The following LIMS1 variants were observed in gnomAD, a reference collection of about 807,000 sequenced individuals.
LIMS1 encodes the protein LIM zinc finger domain containing 1.
A neutral mutation model predicts 44.1 loss-of-function variants in LIMS1; 18 were observed. The ratio of observed to expected loss-of-function variants is 0.41; its 90% confidence interval spans 0.28 to 0.61. The LOEUF is 0.61. Ranked by LOEUF, LIMS1 falls within the 20% of genes least tolerant of loss-of-function variation. The pLI, the probability that LIMS1 is intolerant of heterozygous loss-of-function variation, is 0.32. For missense variants in LIMS1, 201 were observed against 422.0 expected, an observed-to-expected ratio of 0.48 and a Z score of 4.59; for synonymous variants, 93 against 149.1, an observed-to-expected ratio of 0.62 and a Z score of 2.74.
chr2:108,670,991 G>A lies in LIMS1; in HGVS notation c.259+144G>A, dbSNP rs565579069. On this transcript the variant is annotated intron_variant, in intron 3 of 9. Transcript: ENST00000544547. ...TTCGAGACCAGCCTGGCCAACGTAG[G>A]GAAACCCCGTCTCTACTAAAAATAC... The A allele has an allele frequency of 1.2e-5, 13 of 1,104,252 alleles. No individual in the cohort carries two copies. In the East Asian group the frequency reaches 3.1e-4, roughly 27 times the overall value. 68.4% of individuals were successfully genotyped at this position (1,104,252 alleles called of 1,614,324 possible).
chr2:108,670,247 G>A (rs996789829), intron 2 of LIMS1, among the ~76,000 whole-genome samples: 5 of 152,184 alleles, frequency 3.3e-5, no homozygotes, highest in Non-Finnish European at 5.9e-5. Context: ...TGCTTTGAGA[G>A]ACTGAGGTAG....
At chr2:108,674,545 A>G (rs2149002827) in intron 5 of LIMS1, among the ~76,000 whole-genome samples, 1 of 150,542 alleles carries the variant, frequency 6.6e-6, no homozygotes, top group East Asian at 2.0e-4. Flanking sequence ...ACATGGTGAA[A>G]CCCCATCTCT....
chr2:108,670,003 C>T (rs1692058653), intron 2 of LIMS1, among the ~76,000 whole-genome samples: 1 of 151,916 alleles, frequency 6.6e-6, no homozygotes, highest in African/African-American at 2.4e-5. Flanking sequence ...TCAGAAAGCA[C>T]ATTTTAAAAT....
At chr2:108,662,138 C>G (rs1691419666) in intron 2 of LIMS1, 1 of 1,610,312 alleles carries the variant, frequency 6.2e-7, no homozygotes, top group African/African-American at 1.3e-5. Context: ...CAGACATTTT[C>G]CTTATATCCC....
chr2:108,617,618 G>A (rs548200253), intron 1 of LIMS1, among the ~76,000 whole-genome samples: 2 of 152,334 alleles, frequency 1.3e-5, no homozygotes, highest in Non-Finnish European at 2.9e-5. Context: ...AAACGTGACT[G>A]TCTTCCATGT....
At chr2:108,595,019 A>G (rs1230739100) in intron 1 of LIMS1, among the ~76,000 whole-genome samples, 1 of 152,216 alleles carries the variant, frequency 6.6e-6, no homozygotes, top group Non-Finnish European at 1.5e-5. Context: ...TGTGGAAGGA[A>G]GGTACCATAC....
At chr2:108,591,388 T>C (rs939350878) in intron 1 of LIMS1, among the ~76,000 whole-genome samples, 5 of 152,154 alleles carry the variant, frequency 3.3e-5, no homozygotes, top group African/African-American at 9.7e-5. Flanking sequence ...TGAAGTCTCA[T>C]TGATAGTTTC....
chr2:108,679,848 G>A (rs529104952), intron 8 of LIMS1, among the ~76,000 whole-genome samples: 16 of 151,558 alleles, frequency 1.1e-4, no homozygotes, highest in Middle Eastern at 3.5e-3. Context: ...CCAGGAGTTC[G>A]AGCTGTGATC....
At chr2:108,618,764 G>A (rs1688069651) in intron 1 of LIMS1, among the ~76,000 whole-genome samples, 1 of 148,482 alleles carries the variant, frequency 6.7e-6, no homozygotes, top group Non-Finnish European at 1.5e-5. Context: ...GGTGGAGGTT[G>A]CAGTGAGCTG....
intron 1 of LIMS1, among the ~76,000 whole-genome samples, chr2:108,643,288 C>G (rs1689831982): frequency 1.3e-5 from 2 of 152,172 alleles, no homozygotes; most frequent in Admixed American, 6.5e-5. Context: ...GCATTTCCAC[C>G]TGAGGTACTC....
At chr2:108,681,830 C>T (rs1693018812) in intron 9 of LIMS1, among the ~76,000 whole-genome samples, 1 of 150,848 alleles carries the variant, frequency 6.6e-6, no homozygotes, top group African/African-American at 2.4e-5. Context: ...GCTGAGGCTG[C>T]TGCAGTGAGC....
At chr2:108,675,772 G>T (rs1260001201) in intron 5 of LIMS1, 106 bp from the exon 6 acceptor site, 4 of 1,395,050 alleles carry the variant, frequency 2.9e-6, no homozygotes, top group Non-Finnish European at 4.1e-6. Context: ...AATTTGCAGG[G>T]ATTGTCATAG....
rs1360648112 is a variant in LIMS1 at position 108,554,023 on chromosome 2, ATAGT to A, written c.32+19431_32+19434del. 5.3e-5 allele frequency among the ~76,000 whole-genome samples: 8 copies of A among 152,288 alleles called. No individual in the cohort carries two copies. In the South Asian group the frequency reaches 1.4e-3, roughly 28 times the overall value. ...ACTCAGGAAATACTTGTTTACTCAC[ATAGT>A]TGGTTGGTAAAATGACAAAGCTGAT... On this transcript the variant is annotated intron_variant, in intron 1 of 9. Coordinates refer to ENST00000544547, the Ensembl canonical transcript of LIMS1.
chr2:108,560,627 C>T (rs998785235), intron 1 of LIMS1, among the ~76,000 whole-genome samples: 1 of 151,972 alleles, frequency 6.6e-6, no homozygotes, highest in Admixed American at 6.6e-5. Flanking sequence ...GCTTGCTTTT[C>T]TCCTGACACT....
chr2:108,641,901 T>C (rs1461077808), intron 1 of LIMS1, among the ~76,000 whole-genome samples: 1 of 152,238 alleles, frequency 6.6e-6, no homozygotes, highest in Non-Finnish European at 1.5e-5. Context: ...AACTTCCCAG[T>C]TTCATTATCT....
At chr2:108,619,965 A>G (rs1688146717) in intron 1 of LIMS1, among the ~76,000 whole-genome samples, 1 of 152,194 alleles carries the variant, frequency 6.6e-6, no homozygotes, top group African/African-American at 2.4e-5. Flanking sequence ...GATTTTTTAA[A>G]ACGTGTTTCA....
intron 1 of LIMS1, among the ~76,000 whole-genome samples, chr2:108,540,486 C>G (rs747526670): frequency 3.3e-5 from 5 of 152,130 alleles, no homozygotes; most frequent in Non-Finnish European, 7.4e-5. Context: ...ACTTGAGCCA[C>G]CGCGCCTGGC....
At chr2:108,617,859 A>G (rs766796892) in intron 1 of LIMS1, among the ~76,000 whole-genome samples, 1 of 152,194 alleles carries the variant, frequency 6.6e-6, no homozygotes, top group Admixed American at 6.5e-5. Flanking sequence ...GGGGTGTGAG[A>G]TCTGCTGGAG....
chr2:108,542,445 G>A (rs1684344693), intron 1 of LIMS1, among the ~76,000 whole-genome samples: 1 of 152,154 alleles, frequency 6.6e-6, no homozygotes, highest in African/African-American at 2.4e-5. Context: ...CCAAGCTCAA[G>A]AGGTTAAGAA....
Sources: gnomAD v4.1 joint callset for allele counts (sites outside exome capture counted in the v4.1 genomes callset) on GRCh38, gnomAD v4.1.1 for gene constraint, MANE v1.5 for transcripts, NCBI Gene and HGNC (gene_info 2026-07-23, HGNC 2026-07-21) for gene names.